Variants in ZNF558 observed in about 807,000 individuals in gnomAD.
The protein encoded by ZNF558 is zinc finger protein 558.
In ZNF558, 23 loss-of-function variants were observed where a neutral mutation model predicts 37.6. The observed-to-expected ratio is 0.61, with a 90% CI of 0.44 to 0.87. ZNF558 has a LOEUF of 0.87. ZNF558 is among the 40% of genes least tolerant of loss of function. The pLI, the probability that ZNF558 is intolerant of heterozygous loss-of-function variation, is 0.00. For synonymous variants in ZNF558, 189 were observed against 174.4 expected (o/e 1.08, Z -0.66); for missense variants, 429 against 483.7 (o/e 0.89, Z 1.06).
Position 8,809,838 on chromosome 19 carries a change from C to T in ZNF558, c.*1443G>A, listed in dbSNP as rs2043741106. On this transcript the variant is annotated 3_prime_UTR_variant, in exon 10 of 10. Coordinates refer to ENST00000601372, the MANE Select transcript of ZNF558 (RefSeq NM_144693.3). ...CAGATGAGACACTGATAAAGGATAT[C>T]CCACACTCAAAACAGTGATTATACT... The T allele has an allele frequency of 6.6e-6, 1 of 152,142 alleles. No homozygotes were observed. Among genetic ancestry groups the T allele is most frequent in the Non-Finnish European group, 1.5e-5 (1 of 68,024 alleles). 9.4% of individuals were successfully genotyped at this position (152,142 alleles called of 1,614,324 possible). A position where few individuals can be genotyped will look rare whatever the true frequency, so the allele number is the denominator to read the frequency against.
chr19:8,826,132 G>C (rs2044226190), intron 2 of ZNF558, among the ~76,000 whole-genome samples: 2 of 152,110 alleles, frequency 1.3e-5, no homozygotes. Flanking sequence ...GCCTCTACAA[G>C]ATGAAAAACG....
At chr19:8,833,697 A>T (rs77310655), upstream of ZNF558, among the ~76,000 whole-genome samples, 19 of 152,292 alleles carry the variant, frequency 1.2e-4, no homozygotes, top group East Asian at 3.5e-3. Context: ...GTTAGATACC[A>T]CTAAGTGCTG....
At position 8,822,971 on chromosome 19, in the gene ZNF558, G is replaced by A. The variant is rs1045537196; in HGVS notation, c.-65-247C>T. 7 of 409,342 alleles carry A rather than the reference G, an allele frequency of 1.7e-5. No individual in the cohort carries two copies. Among genetic ancestry groups the A allele is most frequent in the Non-Finnish European group, 2.3e-5 (5 of 218,068 alleles). The allele number at this position is 409,342 out of a possible 1,614,324, so 25.4% of individuals were successfully genotyped here. On this transcript the variant is annotated intron_variant, in intron 4 of 9. Transcript: ENST00000601372. This position sits in a 1 kb window ranked among gnomAD's most constrained non-coding sequence, Gnocchi z 4.4. ...CCCGCTTTGAGAACCTCGGCTTCAC[G>A]CAGTCTCACGGCATGTTCTTCCCAT...
intron 7 of ZNF558, among the ~76,000 whole-genome samples, chr19:8,819,878 T>G (rs368413513): frequency 6.6e-6 from 1 of 152,106 alleles, no homozygotes; most frequent in African/African-American, 2.4e-5. Context: ...AAGGCAGAGG[T>G]TGCAGTGAGC....
chr19:8,812,072 TAA>T lies in ZNF558; in HGVS notation c.427-11_427-10del, dbSNP rs142569063. ...CCACGATGACTTCTTTCCTGTGGAT[TAA>T]GAGATGAATGATAACTATAATTTAT... is the stretch of plus-strand genomic sequence containing the variant. On this transcript the variant is annotated splice_polypyrimidine_tract_variant and intron_variant, in intron 9 of 9. Coordinates refer to ENST00000601372, the MANE Select transcript of ZNF558 (RefSeq NM_144693.3). The T allele has an allele frequency of 8.8e-4, 1,353 of 1,540,024 alleles. 9 individuals are homozygous for T. The African/African-American group carries it at 0.016, about 19-fold the overall frequency.
rs1178705327 is a variant in ZNF558 at position 8,813,184 on chromosome 19, C to T, written c.286G>A (p.Glu96Lys). The T allele has an allele frequency of 6.3e-7, 1 of 1,599,768 alleles. No homozygotes were observed. The highest frequency in any genetic ancestry group is 1.3e-5 in the African/African-American group (1 of 74,816). ...VNKPSLISQL[E>K]QDKKVVTEER... ...TCTGTCACCACCTTCTTGTCTTGTT[C>T]CAACTGGGATATCAGACTGGGTTTA... The change falls in exon 8 of 10, where the codon GAA becomes AAA. Residue 96 changes from glutamate to lysine, a missense_variant. Transcript: ENST00000601372.
upstream of ZNF558, among the ~76,000 whole-genome samples, chr19:8,837,021 C>G (rs2044463064): frequency 6.6e-6 from 1 of 152,166 alleles, no homozygotes; most frequent in Non-Finnish European, 1.5e-5. Context: ...CTCTAATTAG[C>G]AAAGAGGCAT....
chr19:8,811,786 G>A lies in ZNF558; in HGVS notation c.704C>T (p.Pro235Leu). The A allele has an allele frequency of 6.2e-7, 1 of 1,614,124 alleles. No homozygotes were observed. The highest frequency in any genetic ancestry group is 8.5e-7 in the Non-Finnish European group (1 of 1,180,026). ...LHLRIHTGEK[P>L]YECNQCFHVF... ...GTGAAAACACTGGTTACATTCATAG[G>A]GTTTTTCTCCAGTGTGAATTCTCAA... Residue 235 changes from proline (P) to leucine (L), a missense_variant, in exon 10 of 10, where the codon CCC becomes CTC. Pro to Leu is a moderately conservative substitution (Grantham distance 98). Coordinates refer to ENST00000601372, the MANE Select transcript of ZNF558 (RefSeq NM_144693.3).
In ZNF558 at chr19:8,811,945, C is replaced by T. The variant is rs1555768311; in HGVS notation, c.545G>A (p.Cys182Tyr). 6.2e-7 allele frequency: 1 copy of T among 1,614,130 alleles called. No homozygotes were observed. The highest frequency in any genetic ancestry group is 8.5e-7 in the Non-Finnish European group (1 of 1,180,020). ...RIHTGEKPYD[C>Y]SQCGKSFSSR... The stretch of plus-strand genomic sequence containing the variant: ...ACTGAAGGACTTCCCACATTGACTA[C>T]AGTCATAGGGTTTTTCTCCAGTATG... The change falls in exon 10 of 10, where the codon TGT (cysteine) becomes TAT (tyrosine). Residue 182 changes from cysteine to tyrosine, a missense_variant. Transcript: ENST00000601372.
Position 8,821,226 on chromosome 19 carries a change from C to T in ZNF558, c.201G>A (p.Leu67=). The T allele has an allele frequency of 6.2e-7, 1 of 1,614,200 alleles. No homozygotes were observed. The highest frequency in any genetic ancestry group is 1.6e-4 in the Middle Eastern group (1 of 6,062). ...AGTTCTCCAGCATCACATCCCTGTA[C>T]AGTGTCCTTTGGGCAGGGTCCAGCA... ...WALLDPAQRT[L]YRDVMLENCR... is the part of the protein sequence containing the mutation. The change falls in exon 7 of 10, where the codon CTG becomes CTA. Residue 67 remains leucine (L), a synonymous_variant. Coordinates refer to ENST00000601372, the MANE Select transcript of ZNF558 (RefSeq NM_144693.3).
intron 9 of ZNF558, 127 bp from the exon 10 acceptor site, chr19:8,812,190 G>T: frequency 2.2e-6 from 2 of 907,652 alleles, no homozygotes; most frequent in Non-Finnish European, 3.1e-6. Context: ...TACTTTCAGT[G>T]GTTGTATGTG....
intron 6 of ZNF558, chr19:8,821,610 G>A (rs2044093056): frequency 7.4e-7 from 1 of 1,346,964 alleles, no homozygotes; most frequent in African/African-American, 1.5e-5. Flanking sequence ...CAGACTGGGA[G>A]CTCCTGTGAT....
At chr19:8,816,358 C>T (rs914551748) in intron 7 of ZNF558, among the ~76,000 whole-genome samples, 12 of 152,096 alleles carry the variant, frequency 7.9e-5, no homozygotes, top group Non-Finnish European at 1.2e-4. Context: ...CCATTGCAGC[C>T]GGCATCAAAC....
In ZNF558 at chr19:8,806,343, T is replaced by G. The variant is rs1489950108; in HGVS notation, c.*4938A>C. 1 of 152,178 alleles carries G rather than the reference T, an allele frequency of 6.6e-6. No individual in the cohort carries two copies. The highest frequency in any genetic ancestry group is 1.5e-5 in the Non-Finnish European group (1 of 68,038). 9.4% of individuals were successfully genotyped at this position (152,178 alleles called of 1,614,324 possible). A position where few individuals can be genotyped will look rare whatever the true frequency, so the allele number is the denominator to read the frequency against. On this transcript the variant is annotated 3_prime_UTR_variant, in exon 10 of 10. Coordinates refer to ENST00000601372, the MANE Select transcript of ZNF558 (RefSeq NM_144693.3). The stretch of plus-strand genomic sequence containing the variant: ...TCTATGGAATCATTTTCCTGAAGCC[T>G]GAAGAAATCTCTTCAGTGTTTCTGA...
Position 8,824,348 on chromosome 19 carries a change from A to T in ZNF558, c.-332T>A, listed in dbSNP as rs1416849692. 1 of 152,222 alleles carries T rather than the reference A, an allele frequency of 6.6e-6. No individual in the cohort carries two copies. The highest frequency in any genetic ancestry group is 1.9e-4 in the East Asian group (1 of 5,164). 9.4% of individuals were successfully genotyped at this position (152,222 alleles called of 1,614,324 possible). On this transcript the variant is annotated 5_prime_UTR_variant, in exon 4 of 10. Transcript: ENST00000601372. The stretch of plus-strand genomic sequence containing the variant: ...CCGGTACCCGTTGAGCCTTCAGATG[A>T]TGCAGACCCAGCTGACAGCCTTCTG...
At chr19:8,835,340 C>G (rs2044444253), upstream of ZNF558, among the ~76,000 whole-genome samples, 1 of 152,198 alleles carries the variant, frequency 6.6e-6, no homozygotes, top group African/African-American at 2.4e-5. Context: ...GTGTGAGCCA[C>G]TGCACCCAGC....
At chr19:8,831,662 T>C (rs2044359733) in intron 1 of ZNF558, among the ~76,000 whole-genome samples, 1 of 152,226 alleles carries the variant, frequency 6.6e-6, no homozygotes, top group African/African-American at 2.4e-5. Flanking sequence ...AGAGAGATTC[T>C]ATGGTGACTC....
intron 9 of ZNF558, among the ~76,000 whole-genome samples, chr19:8,812,324 T>G (rs1028939067): frequency 1.3e-5 from 2 of 152,242 alleles, no homozygotes; most frequent in Non-Finnish European, 2.9e-5. Context: ...ACAGTCAATA[T>G]CTGAGCCACA....
intron 6 of ZNF558, 125 bp downstream of exon 6, chr19:8,821,878 T>C: frequency 6.5e-7 from 1 of 1,528,120 alleles, no homozygotes; most frequent in Non-Finnish European, 8.8e-7. Flanking sequence ...CTCCATCTGA[T>C]GCCTGGAAAT....
Sources: gnomAD v4.1 joint callset for allele counts (sites outside exome capture counted in the v4.1 genomes callset) on GRCh38, gnomAD v4.1.1 for gene constraint, Gnocchi (gnomAD v3.1) non-coding constraint, MANE v1.5 for transcripts, NCBI Gene and HGNC (gene_info 2026-07-23, HGNC 2026-07-21) for gene names.